Variants in PUM3 observed in about 807,000 individuals in gnomAD.
The protein encoded by PUM3 is pumilio homolog 3.
In PUM3, 91 loss-of-function variants were observed where a neutral mutation model predicts 84.0. That is an observed-to-expected ratio of 1.08 (90% confidence interval 0.91 to 1.29). PUM3 has a LOEUF of 1.29. Ranked by LOEUF, PUM3 falls within the 50% of genes most tolerant of loss-of-function variation. The pLI, the probability that PUM3 is intolerant of heterozygous loss-of-function variation, is 0.00. For synonymous variants in PUM3, 321 were observed against 266.7 expected (o/e 1.20, Z -1.98); for missense variants, 1,067 against 767.5 (o/e 1.39, Z -4.61).
At chr9:2,838,347 A>C in intron 2 of PUM3, 79 bp downstream of exon 2, 1 of 924,584 alleles carries the variant, frequency 1.1e-6, no homozygotes, top group Non-Finnish European at 1.8e-6. Flanking sequence ...TAGCCAATGA[A>C]TACAGATTGA....
At chr9:2,819,916 G>A in intron 13 of PUM3, 102 bp downstream of exon 13, 2 of 639,556 alleles carry the variant, frequency 3.1e-6, no homozygotes, top group Non-Finnish European at 5.6e-6. Flanking sequence ...CTGATAGAAG[G>A]CACAGCTGCA....
In PUM3 at chr9:2,804,260, T is replaced by G; in HGVS notation, c.*71A>C. On this transcript the variant is annotated 3_prime_UTR_variant, in exon 18 of 18. Coordinates refer to ENST00000397885, the MANE Select transcript of PUM3 (RefSeq NM_014878.5). ...TTACCAGTATGGTGGACCCTACCCC[T>G]TCTTTTCTGCATTGGGAAACAGAAC... The G allele has an allele frequency of 1.3e-6, 2 of 1,519,046 alleles. No individual in the cohort carries two copies. Among genetic ancestry groups the G allele is most frequent in the Non-Finnish European group, 9.0e-7 (1 of 1,116,598 alleles). The allele number at this position is 1,519,046 out of a possible 1,614,324, so 94.1% of individuals were successfully genotyped here.
chr9:2,840,779 G>C (rs1286963427), intron 1 of PUM3, among the ~76,000 whole-genome samples: 1 of 152,070 alleles, frequency 6.6e-6, no homozygotes, highest in Non-Finnish European at 1.5e-5. Flanking sequence ...CCTGGCACTG[G>C]CTCCAGGTTC....
rs1250065855 is a variant in PUM3 at position 2,837,206 on chromosome 9, T to C, written c.278A>G (p.Lys93Arg). ...QPANKFNKKR[K>R]FQPDGRSDES... is the part of the protein sequence containing the mutation. ...ATCGCTTCTACCATCTGGCTGGAATTTTCTCTTCTTGTTGAATTTATTTGC... is the reference window on the plus strand; with the variant it reads ...ATCGCTTCTACCATCTGGCTGGAATCTTCTCTTCTTGTTGAATTTATTTGC... Residue 93 changes from lysine (K) to arginine (R), a missense_variant, in exon 3 of 18, where the codon AAA becomes AGA. Lys to Arg is a conservative substitution (Grantham distance 26). Coordinates refer to ENST00000397885, the MANE Select transcript of PUM3 (RefSeq NM_014878.5). The C allele has an allele frequency of 3.7e-6, 6 of 1,613,984 alleles. No homozygotes were observed. Among genetic ancestry groups the C allele is most frequent in the Non-Finnish European group, 4.2e-6 (5 of 1,179,974 alleles).
At chr9:2,837,098 T>C (rs1269970141) in intron 3 of PUM3, 82 bp downstream of exon 3, 5 of 1,154,266 alleles carry the variant, frequency 4.3e-6, no homozygotes, top group African/African-American at 3.1e-5. Flanking sequence ...GGAATAAGAA[T>C]GTGAGGTTTC....
chr9:2,840,859 A>T (rs1380241389), intron 1 of PUM3, among the ~76,000 whole-genome samples: 1 of 152,240 alleles, frequency 6.6e-6, no homozygotes, highest in East Asian at 1.9e-4. Flanking sequence ...CCTTTCATTG[A>T]GAATGGTATT....
intron 16 of PUM3, 31 bp downstream of exon 16, chr9:2,810,313 A>G (rs1427826293): frequency 7.2e-7 from 1 of 1,396,596 alleles, no homozygotes; most frequent in Non-Finnish European, 1.0e-6. Flanking sequence ...TCCACATGAG[A>G]TACAAGAAAA....
Position 2,812,504 on chromosome 9 carries a change from C to G in PUM3, c.1270-142G>C. On this transcript the variant is annotated intron_variant, in intron 13 of 17. Coordinates refer to ENST00000397885, the MANE Select transcript of PUM3 (RefSeq NM_014878.5). ...CTATAAAATTATAGTATATGTGCTG[C>G]CAAAGTGAGCACAATGTCCTATAAA... 3.4e-6 allele frequency: 2 copies of G among 589,850 alleles called. 1 individual carries two copies. The highest frequency in any genetic ancestry group is 5.8e-5 in the East Asian group (2 of 34,252). The allele number at this position is 589,850 out of a possible 1,614,324, so 36.5% of individuals were successfully genotyped here.
intron 8 of PUM3, among the ~76,000 whole-genome samples, chr9:2,829,418 A>G (rs1288485062): frequency 6.6e-6 from 1 of 152,216 alleles, no homozygotes; most frequent in East Asian, 1.9e-4. Flanking sequence ...CAGAGAGCCC[A>G]ATACACTTCA....
intron 1 of PUM3, among the ~76,000 whole-genome samples, chr9:2,839,949 G>C (rs1304814417): frequency 2.0e-5 from 3 of 152,206 alleles, no homozygotes; most frequent in East Asian, 3.8e-4. Context: ...CTAAGCTACA[G>C]AGTTGAGTTG....
Position 2,831,359 on chromosome 9 carries a change from T to G in PUM3, c.517-15A>C. The G allele has an allele frequency of 6.5e-7, 1 of 1,532,962 alleles. No individual in the cohort carries two copies. Among genetic ancestry groups the G allele is most frequent in the Non-Finnish European group, 9.0e-7 (1 of 1,111,088 alleles). 95.0% of individuals were successfully genotyped at this position (1,532,962 alleles called of 1,614,324 possible). ...GCAAATGCAATCTGCAGGAAAAAGT[T>G]TGAGTTAGACTAATTCTCTTTTGAG... is the stretch of plus-strand genomic sequence containing the variant. On this transcript the variant is annotated splice_polypyrimidine_tract_variant and intron_variant, in intron 5 of 17. Transcript: ENST00000397885.
intron 6 of PUM3, 99 bp downstream of exon 6, chr9:2,831,152 C>A (rs1815968626): frequency 2.9e-6 from 3 of 1,042,498 alleles, no homozygotes; most frequent in African/African-American, 1.6e-5. Context: ...GAAGACAAAC[C>A]TAAACAAAAA....
At chr9:2,828,901 A>G in intron 8 of PUM3, 123 bp from the exon 9 acceptor site, 1 of 677,372 alleles carries the variant, frequency 1.5e-6, no homozygotes, top group Non-Finnish European at 2.6e-6. Flanking sequence ...CCATATTTAC[A>G]TAATGAAAGC....
At chr9:2,843,050 A>C (rs532602844) in intron 1 of PUM3, among the ~76,000 whole-genome samples, 50 of 152,306 alleles carry the variant, frequency 3.3e-4, no homozygotes, top group African/African-American at 1.2e-3. Flanking sequence ...TTGAGCTTCC[A>C]AATGTAATAC....
chr9:2,808,177 C>G (rs1051611590), intron 16 of PUM3, among the ~76,000 whole-genome samples: 4 of 152,198 alleles, frequency 2.6e-5, no homozygotes, highest in African/African-American at 9.7e-5. Flanking sequence ...AAAACACTCA[C>G]TTGGTTATGT....
intron 12 of PUM3, 132 bp downstream of exon 12, chr9:2,823,649 T>A (rs1457346825): frequency 2.1e-6 from 1 of 470,290 alleles, no homozygotes; most frequent in Non-Finnish European, 3.8e-6. Flanking sequence ...TACATGTAGA[T>A]GCAAAGAAAA....
intron 14 of PUM3, 83 bp from the exon 15 acceptor site, chr9:2,811,666 G>C: frequency 5.4e-6 from 5 of 922,078 alleles, no homozygotes; most frequent in Non-Finnish European, 8.6e-6. Flanking sequence ...ACCTCTAAGA[G>C]CTTATCACAG....
At chr9:2,814,394 A>T (rs1442951205) in intron 13 of PUM3, among the ~76,000 whole-genome samples, 3 of 152,200 alleles carry the variant, frequency 2.0e-5, no homozygotes, top group Admixed American at 2.0e-4. Flanking sequence ...TATTTTTAGT[A>T]GAGATGGGGT....
intron 17 of PUM3, among the ~76,000 whole-genome samples, chr9:2,804,689 T>C (rs1277154250): frequency 6.6e-6 from 1 of 152,250 alleles, no homozygotes; most frequent in Non-Finnish European, 1.5e-5. Context: ...AGCAAAGACA[T>C]TTGTAGGACC....
Sources: gnomAD v4.1 joint callset for allele counts (sites outside exome capture counted in the v4.1 genomes callset) on GRCh38, gnomAD v4.1.1 for gene constraint, MANE v1.5 for transcripts, NCBI Gene and HGNC (gene_info 2026-07-23, HGNC 2026-07-21) for gene names.